Variants in OXR1 observed in about 807,000 individuals in gnomAD.
The protein encoded by OXR1 is oxidation resistance protein 1.
A neutral mutation model predicts 104.6 loss-of-function variants in OXR1; 41 were observed. That is an observed-to-expected ratio of 0.39 (90% CI 0.31 to 0.51). The LOEUF (loss-of-function observed/expected upper bound fraction) is 0.51, where lower values mean the gene tolerates loss of function less well. Among genes scored for constraint, OXR1 ranks in the 20% least tolerant of loss-of-function variants. The probability of loss-of-function intolerance (pLI) is 0.77; values close to 1 mark genes in which losing one functional copy is unlikely to be tolerated. For synonymous variants in OXR1, 348 were observed against 348.4 expected (o/e 1.00, Z 0.01); for missense variants, 955 against 1,031.9 (o/e 0.93, Z 1.02).
At chr8:106,730,322 T>C (rs1044733673) in intron 11 of OXR1, among the ~76,000 whole-genome samples, 1 of 152,132 alleles carries the variant, frequency 6.6e-6, no homozygotes, top group Admixed American at 6.5e-5. Context: ...TATAATGACA[T>C]GTATCTAGTT....
chr8:106,391,237 T>C (rs1369438380), intron 2 of OXR1, among the ~76,000 whole-genome samples: 1 of 152,110 alleles, frequency 6.6e-6, no homozygotes, highest in Non-Finnish European at 1.5e-5. Flanking sequence ...TGCCATTTTT[T>C]CACAACTAAA....
rs191592629 is a variant in OXR1, at chr8:106,536,969, C to T, written c.220+17830C>T. On this transcript the variant is annotated intron_variant, in intron 3 of 16. Coordinates refer to ENST00000517566, the MANE Select transcript of OXR1 (RefSeq NM_001198533.2). ...AGTTTGAATTGTTATGACAAATTAC[C>T]CTAGAATGGGTGGTTTAAACAATGA... Among the ~76,000 whole-genome samples, 282 of 152,088 alleles carry T rather than the reference C, an allele frequency of 1.9e-3. 2 individuals carry two copies. Among genetic ancestry groups the T allele is most frequent in the African/African-American group, 5.9e-3 (246 of 41,488 alleles).
intron 2 of OXR1, among the ~76,000 whole-genome samples, chr8:106,399,357 TTTGA>T (rs1817911878): frequency 1.3e-5 from 2 of 152,198 alleles, no homozygotes; most frequent in Non-Finnish European, 2.9e-5. Context: ...ATCATCACTA[TTTGA>T]TTGAGCTCCC....
At chr8:106,684,454 A>G in intron 6 of OXR1, 95 bp downstream of exon 6, 1 of 663,100 alleles carries the variant, frequency 1.5e-6, no homozygotes, top group East Asian at 2.6e-5. Context: ...GACTATGGTT[A>G]GAATGAAATA....
intron 2 of OXR1, among the ~76,000 whole-genome samples, chr8:106,486,143 A>T (rs2129796009): frequency 6.6e-6 from 1 of 152,294 alleles, no homozygotes; most frequent in East Asian, 1.9e-4. Flanking sequence ...AGATATGTGA[A>T]GTAATACATG....
chr8:106,476,668 T>C (rs1475978921), intron 2 of OXR1, among the ~76,000 whole-genome samples: 1 of 151,956 alleles, frequency 6.6e-6, no homozygotes, highest in Admixed American at 6.6e-5. Flanking sequence ...GTGATTTTCT[T>C]AATGGCGTCT....
intron 3 of OXR1, among the ~76,000 whole-genome samples, chr8:106,670,086 A>G (rs1826780989): frequency 6.6e-6 from 1 of 152,128 alleles, no homozygotes; most frequent in African/African-American, 2.4e-5. Context: ...GAACTGAGAG[A>G]CCAAAAGGTG....
intron 2 of OXR1, among the ~76,000 whole-genome samples, chr8:106,457,326 T>C (rs1299741289): frequency 2.0e-5 from 3 of 152,232 alleles, no homozygotes; most frequent in African/African-American, 4.8e-5. Context: ...CATGGGATGA[T>C]GCAGCAGGAA....
chr8:106,431,640 A>T (rs1272602721), intron 2 of OXR1, among the ~76,000 whole-genome samples: 2 of 152,302 alleles, frequency 1.3e-5, no homozygotes, highest in East Asian at 3.9e-4. Flanking sequence ...TATAAACTCT[A>T]TGAGGACTTT....
At chr8:106,611,313 T>G (rs1418024629) in intron 3 of OXR1, among the ~76,000 whole-genome samples, 1 of 152,170 alleles carries the variant, frequency 6.6e-6, no homozygotes, top group African/African-American at 2.4e-5. Flanking sequence ...GGCCTGTCTG[T>G]GTTCAACTCA....
At chr8:106,477,195 C>T (rs1385468672) in intron 2 of OXR1, among the ~76,000 whole-genome samples, 1 of 151,960 alleles carries the variant, frequency 6.6e-6, no homozygotes, top group Non-Finnish European at 1.5e-5. Flanking sequence ...TCACAGTTTA[C>T]GGTATTGTAC....
chr8:106,595,613 TG>T (rs1209701164), intron 3 of OXR1, among the ~76,000 whole-genome samples: 26 of 150,492 alleles, frequency 1.7e-4, no homozygotes, highest in African/African-American at 6.1e-4. Flanking sequence ...CTGTAACTCA[TG>T]GGGGGAAAAT....
chr8:106,395,368 G>C (rs538024258), intron 2 of OXR1, among the ~76,000 whole-genome samples: 1 of 152,274 alleles, frequency 6.6e-6, no homozygotes, highest in South Asian at 2.1e-4. Flanking sequence ...TGGACTTACA[G>C]TTCCACATGG....
At chr8:106,304,741 C>T (rs1247724269) in intron 1 of OXR1, among the ~76,000 whole-genome samples, 1 of 152,076 alleles carries the variant, frequency 6.6e-6, no homozygotes, top group Non-Finnish European at 1.5e-5. Flanking sequence ...TTTTTAAGGG[C>T]TCAGTAGCCA....
At chr8:106,440,816 A>G (rs1191359872) in intron 2 of OXR1, among the ~76,000 whole-genome samples, 2 of 152,166 alleles carry the variant, frequency 1.3e-5, no homozygotes, top group Non-Finnish European at 2.9e-5. Context: ...AATTAAAATT[A>G]AAATACCAGT....
chr8:106,635,975 C>T (rs1823099262), intron 3 of OXR1, among the ~76,000 whole-genome samples: 1 of 152,138 alleles, frequency 6.6e-6, no homozygotes, highest in Admixed American at 6.5e-5. Context: ...CTTGTGAATA[C>T]TTTGGGCCAT....
chr8:106,736,276 A>G (rs1834368881), intron 11 of OXR1, among the ~76,000 whole-genome samples: 1 of 151,786 alleles, frequency 6.6e-6, no homozygotes, highest in Admixed American at 6.6e-5. Context: ...CAATATAATA[A>G]TAATGGCCAG....
intron 2 of OXR1, among the ~76,000 whole-genome samples, chr8:106,361,372 C>G (rs1006992138): frequency 6.6e-6 from 1 of 152,086 alleles, no homozygotes; most frequent in South Asian, 2.1e-4. Context: ...CAGCACTATC[C>G]TCGATTCTAG....
intron 3 of OXR1, among the ~76,000 whole-genome samples, chr8:106,655,254 C>G (rs1050328949): frequency 2.6e-5 from 4 of 151,280 alleles, no homozygotes; most frequent in African/African-American, 9.7e-5. Flanking sequence ...ATCAGGTGAA[C>G]TATATAATTT....
Sources: gnomAD v4.1 joint callset for allele counts (sites outside exome capture counted in the v4.1 genomes callset) on GRCh38, gnomAD v4.1.1 for gene constraint, MANE v1.5 for transcripts, NCBI Gene and HGNC (gene_info 2026-07-23, HGNC 2026-07-21) for gene names.